Variants in SIPA1L1 observed in about 807,000 individuals in gnomAD.
SIPA1L1 encodes signal induced proliferation associated 1 like 1.
Under a neutral mutation model 162.7 loss-of-function variants are expected in SIPA1L1, and 26 were observed. The ratio of observed to expected loss-of-function variants is 0.16; its 90% CI spans 0.12 to 0.22. The LOEUF (loss-of-function observed/expected upper bound fraction) is 0.22. Ranked by LOEUF, SIPA1L1 falls within the 10% of genes least tolerant of loss-of-function variation. The probability of loss-of-function intolerance (pLI) is 1.00; values close to 1 mark genes in which losing one functional copy is unlikely to be tolerated. For missense variants in SIPA1L1, 1,874 were observed against 2,241.0 expected (o/e 0.84, Z 3.31); for synonymous variants, 829 against 837.4 (o/e 0.99, Z 0.17).
At chr14:71,550,627 C>T (rs745516797) in intron 4 of SIPA1L1, among the ~76,000 whole-genome samples, 2 of 151,774 alleles carry the variant, frequency 1.3e-5, no homozygotes, top group South Asian at 2.1e-4. Context: ...TCTCTCAAAG[C>T]GATGTTATCT....
chr14:71,519,268 C>A (rs2052056987), intron 3 of SIPA1L1, among the ~76,000 whole-genome samples: 1 of 152,008 alleles, frequency 6.6e-6, no homozygotes, highest in Non-Finnish European at 1.5e-5. Context: ...CACTGCACTT[C>A]AGCCTGGGCA....
intron 3 of SIPA1L1, among the ~76,000 whole-genome samples, chr14:71,515,436 T>C (rs1015350654): frequency 6.6e-6 from 1 of 152,206 alleles, no homozygotes; most frequent in Non-Finnish European, 1.5e-5. Context: ...AGATGTCACC[T>C]CTACTTAAAA....
chr14:71,362,853 A>T (rs1329312785), intron 2 of SIPA1L1, among the ~76,000 whole-genome samples: 1 of 152,224 alleles, frequency 6.6e-6, no homozygotes, highest in Non-Finnish European at 1.5e-5. Context: ...CTTTTGCAGG[A>T]GTCTGGAGTT....
At chr14:71,533,429 T>G (rs999517214) in intron 4 of SIPA1L1, among the ~76,000 whole-genome samples, 1 of 152,204 alleles carries the variant, frequency 6.6e-6, no homozygotes, top group Non-Finnish European at 1.5e-5. Context: ...GACAAGCAGA[T>G]TTATTCATTC....
chr14:71,413,025 T>G (rs1042566806), intron 2 of SIPA1L1, among the ~76,000 whole-genome samples: 1 of 152,216 alleles, frequency 6.6e-6, no homozygotes, highest in African/African-American at 2.4e-5. Context: ...GAACAGGGTT[T>G]CTAAACCTCA....
intron 20 of SIPA1L1, 143 bp from the exon 21 acceptor site, chr14:71,733,523 A>G: frequency 1.3e-6 from 1 of 797,588 alleles, no homozygotes; most frequent in Non-Finnish European, 2.0e-6. Context: ...CAGCTTTAGA[A>G]TAGCCACTAA....
intron 7 of SIPA1L1, among the ~76,000 whole-genome samples, chr14:71,631,690 T>C (rs1247881320): frequency 6.6e-6 from 1 of 152,234 alleles, no homozygotes; most frequent in Non-Finnish European, 1.5e-5. Flanking sequence ...ATATAAATAA[T>C]TTTGAAAGCA....
chr14:71,649,494 A>G (rs1394885471), intron 7 of SIPA1L1, among the ~76,000 whole-genome samples: 2 of 152,112 alleles, frequency 1.3e-5, no homozygotes, highest in African/African-American at 4.8e-5. Context: ...GCCCAGCCCA[A>G]AGTACACATT....
intron 2 of SIPA1L1, among the ~76,000 whole-genome samples, chr14:71,365,032 C>G (rs893773697): frequency 2.0e-5 from 3 of 151,528 alleles, no homozygotes; most frequent in Non-Finnish European, 4.4e-5. Context: ...CAGGCATGAG[C>G]CACCATGCTA....
intron 12 of SIPA1L1, among the ~76,000 whole-genome samples, chr14:71,681,729 C>T (rs1407870723): frequency 6.6e-6 from 1 of 152,124 alleles, no homozygotes; most frequent in Non-Finnish European, 1.5e-5. Context: ...TTTTCTGACT[C>T]GTGAGTCCAG....
At position 71,479,336 on chromosome 14, in the gene SIPA1L1, G is replaced by GGTAGGTATGTATGTAT. The variant is rs145070704; in HGVS notation, c.-464-33404_-464-33403insGGTATGTATGTATGTA. Among the ~76,000 whole-genome samples, 12 of 148,332 alleles carry GGTAGGTATGTATGTAT rather than the reference G, an allele frequency of 8.1e-5. No homozygotes were observed. In the East Asian group the frequency reaches 2.0e-3, roughly 25 times the overall value. On this transcript the variant is annotated intron_variant, in intron 2 of 23. Coordinates refer to ENST00000381232, the MANE Select transcript of SIPA1L1 (RefSeq NM_001386936.1). Reference sequence around the variant, plus strand: ...CTTTTTCCATGTGTGTGTGTATGTAGGTATGTATGTATGTATGTATGTATG... The same window carrying GGTAGGTATGTATGTAT: ...CTTTTTCCATGTGTGTGTGTATGTAGGTAGGTATGTATGTATGTATGTATGTATGTATGTATGTATG...
rs745836086 is a variant in SIPA1L1, at chr14:71,740,754, C to T, written c.*1593C>T. On this transcript the variant is annotated 3_prime_UTR_variant, in exon 24 of 24. Coordinates refer to ENST00000381232, the MANE Select transcript of SIPA1L1 (RefSeq NM_001386936.1). ...TTCTATCATGGAAATAGGAAGATTTCGGAGTGCTTTGTGAAGATTTCAATT... is the reference window on the plus strand; with the variant it reads ...TTCTATCATGGAAATAGGAAGATTTTGGAGTGCTTTGTGAAGATTTCAATT... The T allele has an allele frequency of 6.6e-6, 1 of 151,996 alleles. No homozygotes were observed. Among genetic ancestry groups the T allele is most frequent in the East Asian group, 1.9e-4 (1 of 5,190 alleles). The allele number at this position is 151,996 out of a possible 1,614,324, so 9.4% of individuals were successfully genotyped here.
chr14:71,728,181 C>T (rs2084417923), intron 19 of SIPA1L1, among the ~76,000 whole-genome samples: 1 of 152,220 alleles, frequency 6.6e-6, no homozygotes. Context: ...ACCTGGCAGG[C>T]AGGAGCCTTA....
At chr14:71,419,611 C>T (rs2043043622) in intron 2 of SIPA1L1, among the ~76,000 whole-genome samples, 1 of 151,026 alleles carries the variant, frequency 6.6e-6, no homozygotes. Context: ...CATTCTCCTG[C>T]CTCAGCCTCC....
chr14:71,506,262 A>T (rs1191977486), intron 2 of SIPA1L1, among the ~76,000 whole-genome samples: 1 of 152,158 alleles, frequency 6.6e-6, no homozygotes, highest in Non-Finnish European at 1.5e-5. Context: ...ATTTGTTCCT[A>T]TAACCTTTTG....
chr14:71,698,792 T>C lies in SIPA1L1; in HGVS notation c.3375-189T>C, dbSNP rs567273684. On this transcript the variant is annotated intron_variant, in intron 13 of 23. Coordinates refer to ENST00000381232, the MANE Select transcript of SIPA1L1 (RefSeq NM_001386936.1). Reference sequence around the variant, plus strand: ...CCCACCCCCACCCCCTCCAAGGCAGTTTTCCAGCTGTTCCCCTAGGGAGTC... The same window carrying C: ...CCCACCCCCACCCCCTCCAAGGCAGCTTTCCAGCTGTTCCCCTAGGGAGTC... Among the ~76,000 whole-genome samples the C allele has an allele frequency of 1.6e-4, 19 of 121,632 alleles. 2 individuals carry two copies. The South Asian group carries it at 5.5e-3, about 35-fold the overall frequency. 79.8% of individuals were successfully genotyped at this position (121,632 alleles called of 152,430 possible).
intron 6 of SIPA1L1, among the ~76,000 whole-genome samples, chr14:71,623,522 T>A (rs2039661760): frequency 4.6e-5 from 7 of 152,248 alleles, no homozygotes; most frequent in Admixed American, 4.6e-4. Flanking sequence ...TGTGCTGCTG[T>A]ACTGATGGTG....
At chr14:71,636,597 A>T (rs2041173104) in intron 7 of SIPA1L1, among the ~76,000 whole-genome samples, 1 of 152,208 alleles carries the variant, frequency 6.6e-6, no homozygotes, top group Non-Finnish European at 1.5e-5. Flanking sequence ...AAGACAAAAC[A>T]TCTCAAACCA....
At chr14:71,691,404 C>T (rs1431360073) in intron 13 of SIPA1L1, among the ~76,000 whole-genome samples, 1 of 151,978 alleles carries the variant, frequency 6.6e-6, no homozygotes, top group Non-Finnish European at 1.5e-5. Context: ...CCAGCCTGGG[C>T]AACATAGTGA....
Sources: gnomAD v4.1 joint callset for allele counts (sites outside exome capture counted in the v4.1 genomes callset) on GRCh38, gnomAD v4.1.1 for gene constraint, MANE v1.5 for transcripts, NCBI Gene and HGNC (gene_info 2026-07-23, HGNC 2026-07-21) for gene names.